The following SPINT1 variants were observed in gnomAD, a reference collection of about 807,000 sequenced individuals.
SPINT1 encodes the protein kunitz-type protease inhibitor 1.
SPINT1 carries 38 observed loss-of-function variants against 53.7 expected under a neutral mutation model. That is an observed-to-expected ratio of 0.71 (90% CI 0.55 to 0.93). The LOEUF (loss-of-function observed/expected upper bound fraction) is 0.93. SPINT1 is among the 40% of genes least tolerant of loss of function. SPINT1 has a pLI of 0.00. For synonymous variants in SPINT1, 283 were observed against 280.6 expected, an observed-to-expected ratio of 1.01 and a Z score of -0.08; for missense variants, 645 against 692.9, an observed-to-expected ratio of 0.93 and a Z score of 0.78.
At chr15:40,854,155 T>G in intron 6 of SPINT1, 69 bp downstream of exon 6, 1 of 1,485,522 alleles carries the variant, frequency 6.7e-7, no homozygotes, top group Admixed American at 2.3e-5. Flanking sequence ...CCTATGCCCC[T>G]AAGCAGCCTG....
rs780859371 is a variant in SPINT1, at chr15:40,854,648, G to T, written c.1076G>T (p.Gly359Val). ...CCTTTCCTCTCTGCAGACACGAGTGGCTTTGACGAGCTCCAGCGCATCCAT... is the reference window on the plus strand; with the variant it reads ...CCTTTCCTCTCTGCAGACACGAGTGTCTTTGACGAGCTCCAGCGCATCCAT... Reference protein sequence around the residue: ...DEAACEKYTSGFDELQRIHFP... With the variant: ...DEAACEKYTSVFDELQRIHFP... Residue 359 changes from glycine (G) to valine (V), a missense_variant, in exon 8 of 11, where the codon GGC (glycine) becomes GTC (valine). By Grantham distance (109) the Gly-to-Val change is moderately radical (BLOSUM62 -3). Transcript: ENST00000562057. 9 of 1,614,062 alleles carry T rather than the reference G, an allele frequency of 5.6e-6. No homozygotes were observed. The highest frequency in any genetic ancestry group is 8.5e-7 in the Non-Finnish European group (1 of 1,180,052).
In SPINT1 at chr15:40,853,713, T is replaced by C; in HGVS notation, c.745T>C (p.Tyr249His). 6.2e-7 allele frequency: 1 copy of C among 1,614,098 alleles called. No homozygotes were observed. The highest frequency in any genetic ancestry group is 1.1e-5 in the South Asian group (1 of 91,086). The change falls in exon 5 of 11, where the codon TAC (tyrosine) becomes CAC (histidine). Residue 249 changes from tyrosine (Y) to histidine (H), a missense_variant and splice_region_variant. Coordinates refer to ENST00000562057, the MANE Select transcript of SPINT1 (RefSeq NM_003710.4). The part of the protein sequence containing the change: ...TVLSTKQTED[Y>H]CLASNKVGRC... ...CCCTCATAAGCTCTCCCCCCTAGAC[T>C]ACTGCCTCGCATCCAACAAGGTGGG...
rs138167951 is a variant in SPINT1, at chr15:40,854,078, G to A, written c.932G>A (p.Arg311His). The change falls in exon 6 of 11, where the codon CGC becomes CAC. Residue 311 changes from arginine to histidine, a missense_variant. Physicochemically the swap from Arg to His is conservative, Grantham distance 29. Coordinates refer to ENST00000562057, the MANE Select transcript of SPINT1 (RefSeq NM_003710.4). ...CTCCCAGGCCCCTCCATGGAAAGGC[G>A]CCATCCAGGTGGGCTTTACTCCCCT... ...RGVQGPSMER[R>H]HPVCSGTCQP... 32 of 1,544,992 alleles carry A rather than the reference G, an allele frequency of 2.1e-5. No individual in the cohort carries two copies. Among genetic ancestry groups the A allele is most frequent in the African/African-American group, 1.2e-4 (9 of 72,288 alleles).
Position 40,856,780 on chromosome 15 carries a change from G to C in SPINT1, c.1347G>C (p.Glu449Asp). Residue 449 changes from glutamate to aspartate, a missense_variant, in exon 11 of 11, where the codon GAG becomes GAC. Glu to Asp is a conservative substitution (Grantham distance 45). Transcript: ENST00000562057. ...CCCTTCTTCCCCCAGGCTCTGTGGA[G>C]ATGGCTGTCGCAGTGTTCCTGGTCA... Reference protein sequence around the residue: ...EIPIPSTGSVEMAVAVFLVIC... With the variant: ...EIPIPSTGSVDMAVAVFLVIC... The C allele has an allele frequency of 6.2e-7, 1 of 1,614,188 alleles. No individual in the cohort carries two copies. The highest frequency in any genetic ancestry group is 1.1e-5 in the South Asian group (1 of 91,086).
At chr15:40,855,636 C>G (rs1398259871) in intron 8 of SPINT1, among the ~76,000 whole-genome samples, 1 of 152,164 alleles carries the variant, frequency 6.6e-6, no homozygotes, top group Non-Finnish European at 1.5e-5. Flanking sequence ...GAGACCGTGA[C>G]CCAGTCAGAA....
In SPINT1 at chr15:40,853,886, G is replaced by A. The variant is rs1322557729; in HGVS notation, c.913+5G>A. The A allele has an allele frequency of 2.5e-6, 4 of 1,614,054 alleles. No homozygotes were observed. Among genetic ancestry groups the A allele is most frequent in the Non-Finnish European group, 2.5e-6 (3 of 1,180,026 alleles). ...TAGCCTGTCGGGGTGTGCAAGGTGG[G>A]CCTTTGAGAGGCAGCTCTGGGGCTC... On this transcript the variant is annotated splice_donor_5th_base_variant and intron_variant, in intron 5 of 10. Transcript: ENST00000562057.
At position 40,858,189 on chromosome 15, in the gene SPINT1, A is replaced by AAAT. The variant is rs886224216; in HGVS notation, c.*1215_*1217dup. 1 of 151,864 alleles carries AAAT rather than the reference A, an allele frequency of 6.6e-6. No individual in the cohort carries two copies. The highest frequency in any genetic ancestry group is 2.4e-5 in the African/African-American group (1 of 41,270). The allele number at this position is 151,864 out of a possible 1,614,324, so 9.4% of individuals were successfully genotyped here. ...ACCTCCCGGTGCCAAAAAAAAAAAA[A>AAAT]AATCATACTTTGAGCTCATTCGTTC... On this transcript the variant is annotated 3_prime_UTR_variant, in exon 11 of 11. Transcript: ENST00000562057.
At chr15:40,847,260 G>T (rs1596145026) in intron 2 of SPINT1, among the ~76,000 whole-genome samples, 1 of 152,210 alleles carries the variant, frequency 6.6e-6, no homozygotes, top group Non-Finnish European at 1.5e-5. Flanking sequence ...AAAGCTGTGT[G>T]TGTGTCAAGG....
intron 10 of SPINT1, 41 bp downstream of exon 10, chr15:40,856,364 G>A (rs756006556): frequency 6.2e-7 from 1 of 1,612,526 alleles, no homozygotes; most frequent in East Asian, 2.2e-5. Flanking sequence ...TAGCATGTAG[G>A]TATCAACTCA....
intron 2 of SPINT1, among the ~76,000 whole-genome samples, chr15:40,845,540 A>G (rs559113102): frequency 6.6e-6 from 1 of 151,846 alleles, no homozygotes; most frequent in Non-Finnish European, 1.5e-5. Context: ...TCGCCTTCAC[A>G]TCGGTAGTAG....
At chr15:40,849,257 AAAAG>A (rs1596147159) in intron 2 of SPINT1, among the ~76,000 whole-genome samples, 2 of 151,594 alleles carry the variant, frequency 1.3e-5, no homozygotes, top group South Asian at 4.2e-4. Flanking sequence ...GGAAAAAAAA[AAAAG>A]AGAGAAATGG....
Position 40,844,169 on chromosome 15 carries a change from C to T in SPINT1, c.-83C>T, listed in dbSNP as rs755857978. 1.9e-5 allele frequency: 8 copies of T among 427,214 alleles called. No homozygotes were observed. Among genetic ancestry groups the T allele is most frequent in the South Asian group, 5.1e-5 (3 of 58,956 alleles). The allele number at this position is 427,214 out of a possible 1,614,324, so 26.5% of individuals were successfully genotyped here. A position where few individuals can be genotyped will look rare whatever the true frequency, so the allele number is the denominator to read the frequency against. The stretch of plus-strand genomic sequence containing the variant: ...CGGAACCTCGGCGGACCCGGCCCCA[C>T]CCAACTCACCTGCGCAGGTAACCCG... On this transcript the variant is annotated 5_prime_UTR_variant, in exon 1 of 11. Transcript: ENST00000562057. This position sits in a 1 kb window ranked among gnomAD's most constrained non-coding sequence, Gnocchi z 5.8.
At chr15:40,853,019 T>G (rs1361845635) in intron 2 of SPINT1, 105 bp from the exon 3 acceptor site, 8 of 1,450,220 alleles carry the variant, frequency 5.5e-6, no homozygotes, top group South Asian at 2.7e-5. Context: ...GGAGTCCCAG[T>G]TTGGTCTAGG....
intron 2 of SPINT1, among the ~76,000 whole-genome samples, chr15:40,848,688 T>TA (rs1400512726): frequency 2.6e-5 from 4 of 152,114 alleles, no homozygotes; most frequent in Non-Finnish European, 5.9e-5. Context: ...ATGAATATGA[T>TA]ACAACAACAA....
chr15:40,856,376 G>A (rs188421778), intron 10 of SPINT1, 53 bp downstream of exon 10: 31 of 1,604,662 alleles, frequency 1.9e-5, no homozygotes, highest in African/African-American at 1.2e-4. Context: ...ATCAACTCAC[G>A]GATCAACTCC....
intron 8 of SPINT1, 177 bp from the exon 9 acceptor site, chr15:40,855,715 G>T: frequency 1.7e-6 from 1 of 587,156 alleles, no homozygotes; most frequent in East Asian, 2.9e-5. Context: ...TTATTGTCCA[G>T]GGTTTGTCTT....
Position 40,844,898 on chromosome 15 carries a change from C to A in SPINT1, c.344C>A (p.Ala115Asp). Residue 115 changes from alanine to aspartate, a missense_variant, in exon 2 of 11, where the codon GCC becomes GAC. Ala to Asp is a moderately radical substitution (Grantham distance 126). Transcript: ENST00000562057. The surrounding 1 kb of genome is among the most constrained non-coding windows in gnomAD (Gnocchi z 5.8). ...GACCGCGGGGAGGACGCCATCGCCG[C>A]CTGCTTCCTCATCAACTGCCTCTAC... ...QPDRGEDAIAACFLINCLYEQ... is the reference protein window; with the variant it reads ...QPDRGEDAIADCFLINCLYEQ... 2 of 1,614,020 alleles carry A rather than the reference C, an allele frequency of 1.2e-6. No homozygotes were observed. The highest frequency in any genetic ancestry group is 1.1e-5 in the South Asian group (1 of 91,088).
chr15:40,849,967 T>A (rs796524426), intron 2 of SPINT1, among the ~76,000 whole-genome samples: 1 of 152,274 alleles, frequency 6.6e-6, no homozygotes, highest in Admixed American at 6.5e-5. Context: ...ATACTCAACA[T>A]GTAAATGTGT....
intron 2 of SPINT1, among the ~76,000 whole-genome samples, chr15:40,848,878 A>C (rs547653608): frequency 1.3e-5 from 2 of 152,042 alleles, no homozygotes; most frequent in African/African-American, 4.8e-5. Flanking sequence ...GTTCCTTCTT[A>C]AGGAGAAGAG....
Sources: allele counts gnomAD v4.1 joint callset (sites outside exome capture counted in the v4.1 genomes callset), GRCh38; gene constraint gnomAD v4.1.1; non-coding constraint Gnocchi (gnomAD v3.1); transcripts MANE v1.5; gene names NCBI Gene and HGNC (gene_info 2026-07-23, HGNC 2026-07-21).